Variants in PDZRN4 observed in about 807,000 individuals in gnomAD.
PDZRN4 encodes PDZ domain containing ring finger 4.
PDZRN4 carries 70 observed loss-of-function variants against 99.0 expected under a neutral mutation model. The observed-to-expected ratio is 0.71, with a 90% CI of 0.58 to 0.86. The LOEUF (loss-of-function observed/expected upper bound fraction) is 0.86, where lower values mean the gene tolerates loss of function less well. Among genes scored for constraint, PDZRN4 ranks in the 40% least tolerant of loss-of-function variants. PDZRN4 has a pLI of 0.00. For synonymous variants in PDZRN4, 551 were observed against 501.6 expected, an observed-to-expected ratio of 1.10 and a Z score of -1.32; for missense variants, 1,474 against 1,331.2, an observed-to-expected ratio of 1.11 and a Z score of -1.67.
intron 3 of PDZRN4, among the ~76,000 whole-genome samples, chr12:41,384,409 A>G (rs1194286378): frequency 6.6e-6 from 1 of 152,064 alleles, no homozygotes; most frequent in East Asian, 1.9e-4. Context: ...ACAGACAGAA[A>G]CTTTATTTTA....
chr12:41,304,473 T>G (rs946003886), intron 3 of PDZRN4, among the ~76,000 whole-genome samples: 5 of 152,336 alleles, frequency 3.3e-5, no homozygotes, highest in African/African-American at 9.6e-5. Flanking sequence ...CAGTGCTCTC[T>G]TCCCAGGAAT....
At chr12:41,425,775 A>G (rs1366962195) in intron 3 of PDZRN4, among the ~76,000 whole-genome samples, 1 of 152,222 alleles carries the variant, frequency 6.6e-6, no homozygotes, top group Non-Finnish European at 1.5e-5. Flanking sequence ...GCGGATTTTT[A>G]ATGGGTCTTC....
chr12:41,572,771 T>A lies in PDZRN4; in HGVS notation c.1992T>A (p.His664Gln), dbSNP rs892593368. Reference protein sequence around the residue: ...CNQGEQEGVEHELQLLNEELR... With the variant: ...CNQGEQEGVEQELQLLNEELR... ...AAGGGGAGCAAGAGGGAGTGGAGCA[T>A]GAGCTACAGTTGCTTAATGAAGAAC... The change falls in exon 10 of 10, where the codon CAT becomes CAA. Residue 664 changes from histidine to glutamine, a missense_variant. Physicochemically the swap from His to Gln is conservative, Grantham distance 24 (BLOSUM62 0). Coordinates refer to ENST00000402685, the MANE Select transcript of PDZRN4 (RefSeq NM_001164595.2). The A allele has an allele frequency of 1.9e-6, 3 of 1,614,072 alleles. No individual in the cohort carries two copies. Among genetic ancestry groups the A allele is most frequent in the Admixed American group, 3.3e-5 (2 of 60,012 alleles).
chr12:41,437,676 T>A, intron 3 of PDZRN4: 2 of 1,168,622 alleles, frequency 1.7e-6, no homozygotes, highest in African/African-American at 1.5e-5. Context: ...TGTGCACTGA[T>A]GCAGAGACGG....
chr12:41,267,157 A>G (rs187448412), intron 3 of PDZRN4, among the ~76,000 whole-genome samples: 181 of 152,316 alleles, frequency 1.2e-3, no homozygotes, highest in African/African-American at 4.2e-3. Flanking sequence ...ATCATCTTAT[A>G]TGGATAATGT....
intron 3 of PDZRN4, chr12:41,459,960 C>T (rs550088037): frequency 3.1e-6 from 4 of 1,281,778 alleles, no homozygotes; most frequent in Admixed American, 2.4e-5. Context: ...GGAGCTGTGA[C>T]TTGAACAATG....
chr12:41,246,207 A>AT (rs1566391393), intron 3 of PDZRN4, among the ~76,000 whole-genome samples: 3 of 152,168 alleles, frequency 2.0e-5, no homozygotes, highest in African/African-American at 7.2e-5. Context: ...GTCTGCATAG[A>AT]TTTTTTAAAA....
At chr12:41,443,323 A>C (rs1383889820) in intron 3 of PDZRN4, among the ~76,000 whole-genome samples, 1 of 152,062 alleles carries the variant, frequency 6.6e-6, no homozygotes, top group Non-Finnish European at 1.5e-5. Flanking sequence ...TAAAATGATG[A>C]AAGGGTTTTT....
chr12:41,326,849 A>G (rs1211256927), intron 3 of PDZRN4, among the ~76,000 whole-genome samples: 4 of 152,216 alleles, frequency 2.6e-5, no homozygotes, highest in African/African-American at 9.6e-5. Context: ...ATCATTAGCT[A>G]AAGTGAATAT....
chr12:41,265,905 A>G (rs954130882), intron 3 of PDZRN4, among the ~76,000 whole-genome samples: 10 of 152,228 alleles, frequency 6.6e-5, no homozygotes, highest in African/African-American at 1.4e-4. Flanking sequence ...TGGCTCTAAT[A>G]TCTACGTAAA....
chr12:41,340,356 A>G (rs1208521098), intron 3 of PDZRN4, among the ~76,000 whole-genome samples: 1 of 152,064 alleles, frequency 6.6e-6, no homozygotes, highest in African/African-American at 2.4e-5. Context: ...GTCCTCACTC[A>G]TTTGTGGAAT....
intron 3 of PDZRN4, among the ~76,000 whole-genome samples, chr12:41,375,005 C>T (rs1451142443): frequency 6.6e-6 from 1 of 152,112 alleles, no homozygotes; most frequent in African/African-American, 2.4e-5. Flanking sequence ...CTTGCTCTGG[C>T]AGAAGCTAGT....
chr12:41,364,974 A>G (rs1004552013), intron 3 of PDZRN4, among the ~76,000 whole-genome samples: 1 of 150,964 alleles, frequency 6.6e-6, no homozygotes, highest in Non-Finnish European at 1.5e-5. Context: ...AATTATACAA[A>G]TGTAGTTTTT....
chr12:41,411,067 A>ATATTTT (rs34064559), intron 3 of PDZRN4, among the ~76,000 whole-genome samples: 2 of 140,434 alleles, frequency 1.4e-5, no homozygotes, highest in African/African-American at 5.3e-5. Flanking sequence ...ATATATATAT[A>ATATTTT]TTTTTTTTTT....
chr12:41,550,755 GT>G (rs1939038404), intron 5 of PDZRN4, among the ~76,000 whole-genome samples: 1 of 152,070 alleles, frequency 6.6e-6, no homozygotes, highest in Non-Finnish European at 1.5e-5. Flanking sequence ...TTTAAATTTA[GT>G]TTTATTTGCT....
At position 41,273,925 on chromosome 12, in the gene PDZRN4, A is replaced by C. The variant is rs545288707; in HGVS notation, c.843+79737A>C. Among the ~76,000 whole-genome samples, 8 of 152,210 alleles carry C rather than the reference A, an allele frequency of 5.3e-5. No homozygotes were observed. The South Asian group carries it at 8.3e-4, about 16-fold the overall frequency. ...TATCATTTATCATTTTTCTTAATGCATCAAGATCTAAAGTCCTTGAATGCA... is the reference window on the plus strand; with the variant it reads ...TATCATTTATCATTTTTCTTAATGCCTCAAGATCTAAAGTCCTTGAATGCA... On this transcript the variant is annotated intron_variant, in intron 3 of 9. Coordinates refer to ENST00000402685, the MANE Select transcript of PDZRN4 (RefSeq NM_001164595.2).
intron 3 of PDZRN4, among the ~76,000 whole-genome samples, chr12:41,483,255 A>C (rs1385266838): frequency 6.6e-6 from 1 of 152,178 alleles, no homozygotes; most frequent in East Asian, 1.9e-4. Context: ...GTTATCAAAA[A>C]GTAGCAATTC....
intron 3 of PDZRN4, among the ~76,000 whole-genome samples, chr12:41,414,134 G>T (rs898889599): frequency 1.6e-4 from 25 of 152,202 alleles, no homozygotes; most frequent in African/African-American, 5.5e-4. Context: ...CTGAAAATAG[G>T]CCCCCAGTCT....
intron 3 of PDZRN4, among the ~76,000 whole-genome samples, chr12:41,362,912 G>A (rs1041122470): frequency 2.6e-5 from 4 of 152,090 alleles, no homozygotes; most frequent in African/African-American, 9.7e-5. Context: ...CCATAAAACA[G>A]CAACTTGCAT....
Sources: allele counts gnomAD v4.1 joint callset (sites outside exome capture counted in the v4.1 genomes callset), GRCh38; gene constraint gnomAD v4.1.1; transcripts MANE v1.5; gene names NCBI Gene and HGNC (gene_info 2026-07-23, HGNC 2026-07-21).